The following MEI4 variants were observed in gnomAD, a reference collection of about 807,000 sequenced individuals.
MEI4 encodes the protein meiosis-specific protein MEI4.
MEI4 carries 27 observed loss-of-function variants against 31.4 expected under a neutral mutation model. The observed-to-expected ratio is 0.86, with a 90% CI of 0.63 to 1.19. The LOEUF (loss-of-function observed/expected upper bound fraction) is 1.19, where lower values mean the gene tolerates loss of function less well. MEI4 is among the 50% of genes most tolerant of loss of function. MEI4 has a pLI of 0.00. For missense variants in MEI4, 329 were observed against 398.9 expected, an observed-to-expected ratio of 0.82 and a Z score of 1.49; for synonymous variants, 122 against 145.4, an observed-to-expected ratio of 0.84 and a Z score of 1.16.
chr6:77,679,716 T>A (rs1183046076), intron 1 of MEI4, among the ~76,000 whole-genome samples: 1 of 151,924 alleles, frequency 6.6e-6, no homozygotes, highest in Non-Finnish European at 1.5e-5. Context: ...CCCATGGACA[T>A]ATGCTTTATG....
chr6:77,714,978 A>C (rs1417687580), intron 2 of MEI4, among the ~76,000 whole-genome samples: 1 of 152,094 alleles, frequency 6.6e-6, no homozygotes, highest in East Asian at 1.9e-4. Context: ...GCGTTTCCTG[A>C]GTTCTCTGAT....
chr6:77,863,402 C>A (rs1218461702), intron 4 of MEI4, among the ~76,000 whole-genome samples: 1 of 151,802 alleles, frequency 6.6e-6, no homozygotes, highest in East Asian at 1.9e-4. Flanking sequence ...ACCGATGGAG[C>A]TGAAAACCAA....
chr6:77,749,285 G>A (rs1031555301), intron 2 of MEI4, among the ~76,000 whole-genome samples: 2 of 152,128 alleles, frequency 1.3e-5, no homozygotes, highest in Non-Finnish European at 2.9e-5. Context: ...TGAATTGACA[G>A]AAGTAGGCTT....
chr6:77,759,602 C>T (rs1279166080), intron 2 of MEI4, among the ~76,000 whole-genome samples: 2 of 152,286 alleles, frequency 1.3e-5, no homozygotes, highest in East Asian at 1.9e-4. Context: ...TAAGTCAGAA[C>T]CATGGAATGC....
At chr6:77,781,433 G>A (rs1371399961) in intron 3 of MEI4, among the ~76,000 whole-genome samples, 1 of 152,126 alleles carries the variant, frequency 6.6e-6, no homozygotes, top group Non-Finnish European at 1.5e-5. Context: ...TGCTCAAAAT[G>A]TGGTCCATAA....
Position 77,916,507 on chromosome 6 carries a change from T to G in MEI4, c.901-6582T>G, listed in dbSNP as rs192977845. On this transcript the variant is annotated intron_variant, in intron 4 of 4. Coordinates refer to ENST00000684080, the MANE Select transcript of MEI4 (RefSeq NM_001322247.2). ...TTGATCAGATTCTGGGAGCATGCAT[T>G]GTGTGGTCTTCTTATGATTTCCTCA... Among the ~76,000 whole-genome samples the G allele has an allele frequency of 4.3e-3, 650 of 152,176 alleles. 1 individual carries two copies. Among genetic ancestry groups the G allele is most frequent in the Non-Finnish European group, 7.9e-3 (534 of 67,994 alleles).
intron 3 of MEI4, among the ~76,000 whole-genome samples, chr6:77,807,816 G>C (rs148494401): frequency 4.1e-4 from 62 of 152,216 alleles, no homozygotes; most frequent in African/African-American, 1.5e-3. Context: ...TATCCCAGAA[G>C]TTATTCCAGT....
At chr6:77,857,137 T>C (rs185939650) in intron 4 of MEI4, among the ~76,000 whole-genome samples, 1 of 152,320 alleles carries the variant, frequency 6.6e-6, no homozygotes, top group African/African-American at 2.4e-5. Flanking sequence ...AAGTTTTACA[T>C]TGTGTTGGCA....
chr6:77,897,874 G>C (rs571698213), intron 4 of MEI4, among the ~76,000 whole-genome samples: 1 of 151,926 alleles, frequency 6.6e-6, no homozygotes, highest in South Asian at 2.1e-4. Context: ...CTAATTAACT[G>C]TACTCTGCTC....
chr6:77,841,844 G>T (rs1422347025), intron 4 of MEI4, among the ~76,000 whole-genome samples: 1 of 152,098 alleles, frequency 6.6e-6, no homozygotes, highest in Non-Finnish European at 1.5e-5. Context: ...ACAGGGTAAA[G>T]AGAGATATTA....
intron 3 of MEI4, among the ~76,000 whole-genome samples, chr6:77,789,381 C>T (rs1024477447): frequency 6.6e-6 from 1 of 152,160 alleles, no homozygotes; most frequent in African/African-American, 2.4e-5. Flanking sequence ...AAAGCAATGA[C>T]AACAAAAGCC....
At chr6:77,695,113 T>C (rs1765988105) in intron 2 of MEI4, among the ~76,000 whole-genome samples, 1 of 152,226 alleles carries the variant, frequency 6.6e-6, no homozygotes, top group Non-Finnish European at 1.5e-5. Context: ...TGGGGTTGTT[T>C]ATTTTTGTCT....
At chr6:77,833,200 A>G (rs1562005889) in intron 4 of MEI4, among the ~76,000 whole-genome samples, 1 of 151,956 alleles carries the variant, frequency 6.6e-6, no homozygotes, top group Non-Finnish European at 1.5e-5. Context: ...CCATCTTATG[A>G]CATAATCACC....
chr6:77,753,575 G>A (rs1307519938), intron 2 of MEI4, among the ~76,000 whole-genome samples: 1 of 152,178 alleles, frequency 6.6e-6, no homozygotes, highest in African/African-American at 2.4e-5. Flanking sequence ...CAGTTAGAAT[G>A]GCAATCATTA....
At chr6:77,729,551 T>A (rs1403713039) in intron 2 of MEI4, among the ~76,000 whole-genome samples, 1 of 152,214 alleles carries the variant, frequency 6.6e-6, no homozygotes, top group East Asian at 1.9e-4. Context: ...TCTTTCATTA[T>A]GATGACTTAG....
At chr6:77,747,492 G>C (rs997144984) in intron 2 of MEI4, among the ~76,000 whole-genome samples, 3 of 152,056 alleles carry the variant, frequency 2.0e-5, no homozygotes, top group South Asian at 2.1e-4. Context: ...GAGCAAAGGG[G>C]GAAGAGCCCC....
At chr6:77,809,835 T>C (rs1769531759) in intron 3 of MEI4, among the ~76,000 whole-genome samples, 1 of 152,150 alleles carries the variant, frequency 6.6e-6, no homozygotes, top group Non-Finnish European at 1.5e-5. Context: ...GACATGCTTA[T>C]ATTGAAAAAA....
intron 1 of MEI4, among the ~76,000 whole-genome samples, chr6:77,666,703 C>T (rs1406772307): frequency 5.9e-5 from 9 of 152,086 alleles, no homozygotes; most frequent in Non-Finnish European, 1.3e-4. Flanking sequence ...AGTCTTGCTT[C>T]TTTACGATAT....
chr6:77,875,420 C>T lies in MEI4; in HGVS notation c.900+46358C>T, dbSNP rs1006304940. On this transcript the variant is annotated intron_variant, in intron 4 of 4. Transcript: ENST00000684080. Reference sequence around the variant, plus strand: ...TACATGAATAGGTCACTATGTGATACGTGTGATCAGTGTTGTTTAACAATG... The same window carrying T: ...TACATGAATAGGTCACTATGTGATATGTGTGATCAGTGTTGTTTAACAATG... Among the ~76,000 whole-genome samples the T allele has an allele frequency of 4.6e-5, 7 of 152,092 alleles. No homozygotes were observed. In the East Asian group the frequency reaches 9.6e-4, roughly 21 times the overall value.
Sources: allele counts gnomAD v4.1 joint callset (sites outside exome capture counted in the v4.1 genomes callset), GRCh38; gene constraint gnomAD v4.1.1; transcripts MANE v1.5; gene names NCBI Gene and HGNC (gene_info 2026-07-23, HGNC 2026-07-21).